FGGY: variants seen among roughly 807,000 people sequenced by gnomAD.
FGGY encodes the protein FGGY carbohydrate kinase domain-containing protein.
Under a neutral mutation model 71.3 loss-of-function variants are expected in FGGY, and 72 were observed. That is an observed-to-expected ratio of 1.01 (90% CI 0.84 to 1.23). FGGY has a LOEUF of 1.23. FGGY is among the 50% of genes most tolerant of loss of function. The probability of loss-of-function intolerance (pLI) is 0.00; values close to 1 mark genes in which losing one functional copy is unlikely to be tolerated. For missense variants in FGGY, 668 were observed against 682.3 expected (o/e 0.98, Z 0.23); for synonymous variants, 251 against 250.3 (o/e 1.00, Z -0.02).
At chr1:59,298,153 A>T (rs2042243420) in intron 1 of FGGY, among the ~76,000 whole-genome samples, 1 of 151,662 alleles carries the variant, frequency 6.6e-6, no homozygotes, top group Non-Finnish European at 1.5e-5. Flanking sequence ...GTATGTCCTG[A>T]TTTTTTTCCT....
intron 7 of FGGY, among the ~76,000 whole-genome samples, chr1:59,550,617 T>C (rs2095594616): frequency 6.6e-6 from 1 of 152,202 alleles, no homozygotes; most frequent in Admixed American, 6.5e-5. Context: ...CCTCCATTTG[T>C]AATTCATTTC....
intron 11 of FGGY, among the ~76,000 whole-genome samples, chr1:59,655,007 C>T (rs567028032): frequency 6.6e-6 from 1 of 152,184 alleles, no homozygotes; most frequent in Non-Finnish European, 1.5e-5. Flanking sequence ...GGGGCTTCTC[C>T]ATACTCCTGC....
At chr1:59,325,356 C>CCAACAACAACAACAACAACAACAA (rs563370217) in intron 2 of FGGY, among the ~76,000 whole-genome samples, 2 of 128,700 alleles carry the variant, frequency 1.6e-5, no homozygotes, top group African/African-American at 6.0e-5. Context: ...GACTCCGTGT[C>CCAACAACAACAACAACAACAACAA]CAACAACAGC....
At chr1:59,724,696 C>T (rs1396677095) in intron 14 of FGGY, among the ~76,000 whole-genome samples, 1 of 152,080 alleles carries the variant, frequency 6.6e-6, no homozygotes, top group African/African-American at 2.4e-5. Flanking sequence ...AGATGAATGT[C>T]ACTGCTGTTT....
intron 8 of FGGY, among the ~76,000 whole-genome samples, chr1:59,574,079 G>A (rs1379990440): frequency 1.3e-5 from 2 of 152,156 alleles, no homozygotes; most frequent in African/African-American, 4.8e-5. Context: ...GTAGCAAGTT[G>A]CCATACACTT....
At chr1:59,622,064 C>T (rs1320985217) in intron 9 of FGGY, among the ~76,000 whole-genome samples, 3 of 151,838 alleles carry the variant, frequency 2.0e-5, no homozygotes, top group Non-Finnish European at 2.9e-5. Flanking sequence ...CTCATTCTCA[C>T]GAGGACACTT....
intron 5 of FGGY, among the ~76,000 whole-genome samples, chr1:59,412,543 T>A (rs1427211399): frequency 6.6e-6 from 1 of 152,148 alleles, no homozygotes; most frequent in Non-Finnish European, 1.5e-5. Flanking sequence ...CTTCCTTGGG[T>A]CTGCTGTCTC....
intron 8 of FGGY, among the ~76,000 whole-genome samples, chr1:59,569,256 C>T (rs2095937336): frequency 1.3e-5 from 2 of 152,158 alleles, no homozygotes; most frequent in South Asian, 4.1e-4. Context: ...ATATGGTAAC[C>T]ATGTCTTAGA....
At chr1:59,319,158 T>C (rs1329739669) in intron 1 of FGGY, among the ~76,000 whole-genome samples, 1 of 152,222 alleles carries the variant, frequency 6.6e-6, no homozygotes, top group Non-Finnish European at 1.5e-5. Flanking sequence ...TGATACCAAT[T>C]AATTGTAACA....
At position 59,727,369 on chromosome 1, in the gene FGGY, T is replaced by C. The variant is rs780905109; in HGVS notation, c.1513-30562T>C. 5.3e-5 allele frequency among the ~76,000 whole-genome samples: 8 copies of C among 152,310 alleles called. No homozygotes were observed. The Middle Eastern group carries it at 0.01, about 194-fold the overall frequency. On this transcript the variant is annotated intron_variant, in intron 14 of 15. Coordinates refer to ENST00000303721, the MANE Select transcript of FGGY (RefSeq NM_018291.5). ...AATGAACATGCGAGTGCATGTGTCT[T>C]TTTGGTGAAATGATTTCTTTTCCTT...
intron 2 of FGGY, among the ~76,000 whole-genome samples, chr1:59,335,219 T>G (rs762963176): frequency 1.3e-5 from 2 of 152,220 alleles, no homozygotes; most frequent in African/African-American, 4.8e-5. Flanking sequence ...TACACCTGTT[T>G]GCAGTCAACC....
At chr1:59,427,217 G>T (rs1378464008) in intron 5 of FGGY, among the ~76,000 whole-genome samples, 1 of 152,214 alleles carries the variant, frequency 6.6e-6, no homozygotes, top group African/African-American at 2.4e-5. Flanking sequence ...CAGGCACCCA[G>T]GACGGAGGTG....
At chr1:59,337,478 C>G (rs2049832197) in intron 2 of FGGY, among the ~76,000 whole-genome samples, 1 of 152,116 alleles carries the variant, frequency 6.6e-6, no homozygotes, top group African/African-American at 2.4e-5. Flanking sequence ...TCCACTGACT[C>G]CACATGTCAA....
At chr1:59,704,795 CA>C (rs931493205) in intron 14 of FGGY, among the ~76,000 whole-genome samples, 46 of 150,294 alleles carry the variant, frequency 3.1e-4, no homozygotes, top group African/African-American at 9.7e-4. Flanking sequence ...TAGAGAAATA[CA>C]AAAAAAAAGT....
chr1:59,502,124 T>C (rs2094244421), intron 6 of FGGY, among the ~76,000 whole-genome samples: 1 of 152,202 alleles, frequency 6.6e-6, no homozygotes, highest in Non-Finnish European at 1.5e-5. Context: ...TTAAATCACT[T>C]GCCCAAGGTC....
intron 2 of FGGY, among the ~76,000 whole-genome samples, chr1:59,333,837 A>G (rs926172695): frequency 6.6e-6 from 1 of 152,150 alleles, no homozygotes; most frequent in Non-Finnish European, 1.5e-5. Flanking sequence ...GTAAGTCTAG[A>G]TAGATCAGTG....
At chr1:59,506,299 T>C (rs12074950) in intron 6 of FGGY, among the ~76,000 whole-genome samples, 3,642 of 152,024 alleles carry the variant, frequency 0.024, 142 homozygotes, top group African/African-American at 0.083. Context: ...TCTAGGGTTT[T>C]TCTGGAAGTT....
At position 59,499,299 on chromosome 1, in the gene FGGY, GTTTTT is replaced by G. The variant is rs58170089; in HGVS notation, c.671-13000_671-12996del. Among the ~76,000 whole-genome samples the G allele has an allele frequency of 4.0e-4, 42 of 105,820 alleles. 2 individuals are homozygous for G. The highest frequency in any genetic ancestry group is 1.6e-3 in the African/African-American group (40 of 25,478). 69.4% of individuals were successfully genotyped at this position (105,820 alleles called of 152,430 possible). On this transcript the variant is annotated intron_variant, in intron 6 of 15. Coordinates refer to ENST00000303721, the MANE Select transcript of FGGY (RefSeq NM_018291.5). ...ACTGAACCCTATGTATACTATGTTTGTTTTTTTTTTTTTTTTGATCTGGTAACTGA... is the reference window on the plus strand; with the variant it reads ...ACTGAACCCTATGTATACTATGTTTGTTTTTTTTTTTGATCTGGTAACTGA...
rs116157060 is a variant in FGGY at position 59,307,922 on chromosome 1, C to T, written c.-15+10772C>T. ...TTTGTTCCTATCAAGAACAACTTATCCTTGTCAGAGATTGGATGCTGGGCT... is the reference window on the plus strand; with the variant it reads ...TTTGTTCCTATCAAGAACAACTTATTCTTGTCAGAGATTGGATGCTGGGCT... On this transcript the variant is annotated intron_variant, in intron 1 of 15. Coordinates refer to ENST00000303721, the MANE Select transcript of FGGY (RefSeq NM_018291.5). 2.9e-3 allele frequency among the ~76,000 whole-genome samples: 447 copies of T among 152,176 alleles called. 6 individuals carry two copies. The highest frequency in any genetic ancestry group is 0.01 in the African/African-American group (432 of 41,506).
Sources: allele counts gnomAD v4.1 joint callset (sites outside exome capture counted in the v4.1 genomes callset), GRCh38; gene constraint gnomAD v4.1.1; transcripts MANE v1.5; gene names NCBI Gene and HGNC (gene_info 2026-07-23, HGNC 2026-07-21).